NPAS3: variants seen among roughly 807,000 people sequenced by gnomAD.
The protein encoded by NPAS3 is neuronal PAS domain protein 3.
NPAS3 carries 14 observed loss-of-function variants against 73.1 expected under a neutral mutation model. The observed-to-expected ratio is 0.19, with a 90% CI of 0.13 to 0.30. The LOEUF (loss-of-function observed/expected upper bound fraction) is 0.30, where lower values mean the gene tolerates loss of function less well. Among genes scored for constraint, NPAS3 ranks in the 10% least tolerant of loss-of-function variants. The probability of loss-of-function intolerance (pLI) is 1.00; values close to 1 mark genes in which losing one functional copy is unlikely to be tolerated. For synonymous variants in NPAS3, 620 were observed against 541.5 expected (o/e 1.14, Z -2.01); for missense variants, 1,096 against 1,250.0 (o/e 0.88, Z 1.86).
rs573566268 is a variant in NPAS3 at position 33,576,103 on chromosome 14, G to A, written c.558+15893G>A. On this transcript the variant is annotated intron_variant, in intron 5 of 11. Coordinates refer to ENST00000356141, the Ensembl canonical transcript of NPAS3. ...TGATCTACGCCTGCTTGCAAAAGTG[G>A]GCCTCTTAAATGAAACAAATGCCAT... is the stretch of plus-strand genomic sequence containing the variant. Among the ~76,000 whole-genome samples the A allele has an allele frequency of 3.9e-5, 6 of 152,162 alleles. No individual in the cohort carries two copies. The South Asian group carries it at 6.2e-4, about 16-fold the overall frequency.
chr14:32,997,818 G>A (rs2038645514), intron 1 of NPAS3, among the ~76,000 whole-genome samples: 1 of 151,260 alleles, frequency 6.6e-6, no homozygotes, highest in African/African-American at 2.4e-5. Flanking sequence ...CCATGATTGT[G>A]AGGCTTCCCT....
chr14:32,953,364 C>T (rs1321686692), intron 1 of NPAS3, among the ~76,000 whole-genome samples: 1 of 152,096 alleles, frequency 6.6e-6, no homozygotes, highest in African/African-American at 2.4e-5. Flanking sequence ...CAAGCTGTAT[C>T]CTGCTGCTAT....
chr14:33,544,537 A>G (rs931205416), intron 4 of NPAS3, among the ~76,000 whole-genome samples: 5 of 151,618 alleles, frequency 3.3e-5, no homozygotes, highest in African/African-American at 1.2e-4. Context: ...TCTGTCTCCC[A>G]CCATGCACAC....
intron 7 of NPAS3, among the ~76,000 whole-genome samples, chr14:33,765,268 A>C (rs948576162): frequency 4.6e-5 from 7 of 151,300 alleles, no homozygotes; most frequent in South Asian, 2.1e-4. Context: ...ATAATTTTTT[A>C]TTTGCTCCCT....
intron 1 of NPAS3, among the ~76,000 whole-genome samples, chr14:32,961,018 T>C (rs1281294852): frequency 6.6e-6 from 1 of 152,242 alleles, no homozygotes; most frequent in Non-Finnish European, 1.5e-5. Context: ...ATTTTTGTTT[T>C]TGAAAATATT....
chr14:32,988,720 TA>T (rs1272285181), intron 1 of NPAS3, among the ~76,000 whole-genome samples: 1 of 152,250 alleles, frequency 6.6e-6, no homozygotes, highest in East Asian at 1.9e-4. Flanking sequence ...CTCACAGTCA[TA>T]CACTGATGTC....
intron 4 of NPAS3, among the ~76,000 whole-genome samples, chr14:33,466,077 G>C (rs1198815442): frequency 6.6e-6 from 1 of 152,154 alleles, no homozygotes; most frequent in Non-Finnish European, 1.5e-5. Context: ...ATGAGCATGC[G>C]CTTGAGCTTC....
intron 1 of NPAS3, among the ~76,000 whole-genome samples, chr14:32,960,847 A>G (rs1008784504): frequency 6.6e-6 from 1 of 152,226 alleles, no homozygotes; most frequent in Non-Finnish European, 1.5e-5. Flanking sequence ...TTATTCATTC[A>G]TAAGAACCCT....
At chr14:33,571,251 A>AT in intron 5 of NPAS3, among the ~76,000 whole-genome samples, 1 of 152,246 alleles carries the variant, frequency 6.6e-6, no homozygotes, top group South Asian at 2.1e-4. Flanking sequence ...AGCAGCTTGA[A>AT]TCTTCATTTT....
chr14:33,651,211 G>A (rs537533756), intron 5 of NPAS3, among the ~76,000 whole-genome samples: 140 of 152,170 alleles, frequency 9.2e-4, no homozygotes, highest in African/African-American at 3.1e-3. Flanking sequence ...CCTTTCTCCC[G>A]CCAAAGTGCT....
At chr14:33,685,291 G>A (rs779432282) in intron 6 of NPAS3, among the ~76,000 whole-genome samples, 4 of 152,240 alleles carry the variant, frequency 2.6e-5, no homozygotes, top group East Asian at 3.9e-4. Flanking sequence ...ACACACTGCC[G>A]CTGCTAGCAG....
intron 5 of NPAS3, among the ~76,000 whole-genome samples, chr14:33,572,050 G>C (rs1375330269): frequency 6.6e-6 from 1 of 152,054 alleles, no homozygotes; most frequent in African/African-American, 2.4e-5. Context: ...TGATTTTATT[G>C]ACTCTAGACA....
chr14:33,795,469 A>C (rs1205077513), intron 10 of NPAS3, among the ~76,000 whole-genome samples: 1 of 152,202 alleles, frequency 6.6e-6, no homozygotes, highest in African/African-American at 2.4e-5. Flanking sequence ...ATAAAAACTC[A>C]CATGCCAGAC....
chr14:33,242,074 TATACTA>T (rs1364001852), intron 3 of NPAS3, among the ~76,000 whole-genome samples: 1 of 152,164 alleles, frequency 6.6e-6, no homozygotes, highest in South Asian at 2.1e-4. Context: ...TTCCAACTGA[TATACTA>T]ATAATTCAGA....
At chr14:33,247,532 C>G (rs2048435724) in intron 3 of NPAS3, among the ~76,000 whole-genome samples, 1 of 152,166 alleles carries the variant, frequency 6.6e-6, no homozygotes, top group African/African-American at 2.4e-5. Flanking sequence ...GGTGCATGTG[C>G]AAGGACAGCG....
intron 2 of NPAS3, among the ~76,000 whole-genome samples, chr14:33,147,615 G>A (rs567359759): frequency 1.3e-5 from 2 of 151,326 alleles, no homozygotes; most frequent in African/African-American, 4.9e-5. Flanking sequence ...TTAGGAGATA[G>A]ACCTTATGTA....
intron 5 of NPAS3, among the ~76,000 whole-genome samples, chr14:33,651,745 G>A (rs2059000587): frequency 6.6e-6 from 1 of 152,078 alleles, no homozygotes. Flanking sequence ...AAAAGTACCT[G>A]ATAGACGTAA....
intron 2 of NPAS3, among the ~76,000 whole-genome samples, chr14:33,086,086 G>GAT (rs1176061655): frequency 6.6e-6 from 1 of 152,180 alleles, no homozygotes; most frequent in Non-Finnish European, 1.5e-5. Flanking sequence ...AAAGGCTGTA[G>GAT]ATACTCACAC....
intron 3 of NPAS3, among the ~76,000 whole-genome samples, chr14:33,232,539 C>T (rs1269076250): frequency 6.6e-6 from 1 of 152,066 alleles, no homozygotes; most frequent in Non-Finnish European, 1.5e-5. Context: ...GAATTCATTC[C>T]CTTCTTCTGC....
Sources: gnomAD v4.1 joint callset for allele counts (sites outside exome capture counted in the v4.1 genomes callset) on GRCh38, gnomAD v4.1.1 for gene constraint, MANE v1.5 for transcripts, NCBI Gene and HGNC (gene_info 2026-07-23, HGNC 2026-07-21) for gene names.